NRP1: variants seen among roughly 807,000 people sequenced by gnomAD.
NRP1 encodes neuropilin-1.
In NRP1, 35 loss-of-function variants were observed where a neutral mutation model predicts 106.7. The observed-to-expected ratio is 0.33, with a 90% CI of 0.25 to 0.43. The LOEUF (loss-of-function observed/expected upper bound fraction) is 0.43, where lower values mean the gene tolerates loss of function less well. Ranked by LOEUF, NRP1 falls within the 20% of genes least tolerant of loss-of-function variation. The probability of loss-of-function intolerance (pLI) is 1.00; values close to 1 mark genes in which losing one functional copy is unlikely to be tolerated. For synonymous variants in NRP1, 437 were observed against 417.9 expected, an observed-to-expected ratio of 1.05 and a Z score of -0.56; for missense variants, 1,024 against 1,170.4, an observed-to-expected ratio of 0.87 and a Z score of 1.83.
chr10:33,186,499 A>G lies in NRP1; in HGVS notation c.2063-11T>C, dbSNP rs1210346093. On this transcript the variant is annotated splice_polypyrimidine_tract_variant and intron_variant, in intron 13 of 16. Coordinates refer to ENST00000374867, the MANE Select transcript of NRP1 (RefSeq NM_003873.7). ...TGAAGTTGCCATCTCCTGCTGTGACAAAGAACTGTGTTAGGGAGAGTGGCC... is the reference window on the plus strand; with the variant it reads ...TGAAGTTGCCATCTCCTGCTGTGACGAAGAACTGTGTTAGGGAGAGTGGCC... 1 of 1,605,066 alleles carries G rather than the reference A, an allele frequency of 6.2e-7. No individual in the cohort carries two copies. Among genetic ancestry groups the G allele is most frequent in the South Asian group, 1.1e-5 (1 of 89,516 alleles).
chr10:33,309,889 T>G (rs1846446944), intron 2 of NRP1, among the ~76,000 whole-genome samples: 1 of 152,102 alleles, frequency 6.6e-6, no homozygotes, highest in African/African-American at 2.4e-5. Flanking sequence ...CATCTCTACC[T>G]GCAATGTTTA....
At chr10:33,312,854 G>A (rs1846705322) in intron 2 of NRP1, among the ~76,000 whole-genome samples, 1 of 151,940 alleles carries the variant, frequency 6.6e-6, no homozygotes, top group South Asian at 2.1e-4. Context: ...AATGAGCTAT[G>A]TTGAATAAAA....
chr10:33,261,769 T>G (rs1842589790), intron 4 of NRP1, among the ~76,000 whole-genome samples: 1 of 152,212 alleles, frequency 6.6e-6, no homozygotes. Flanking sequence ...AGATTCTTGC[T>G]CTGTTCCCCA....
In NRP1 at chr10:33,253,094, G is replaced by A. The variant is rs1035404343; in HGVS notation, c.981+934C>T. 2.0e-5 allele frequency among the ~76,000 whole-genome samples: 3 copies of A among 150,988 alleles called. No individual in the cohort carries two copies. In the East Asian group the frequency reaches 6.0e-4, roughly 30 times the overall value. ...CAGGATCTGACTATTCTCCTGAAAA[G>A]GAAGCCTGGATCCTTCAGCAAATAA... On this transcript the variant is annotated intron_variant, in intron 6 of 16. Transcript: ENST00000374867.
intron 2 of NRP1, among the ~76,000 whole-genome samples, chr10:33,294,683 T>A (rs1364871702): frequency 2.7e-5 from 4 of 145,508 alleles, no homozygotes; most frequent in Non-Finnish European, 4.5e-5. Flanking sequence ...ACCAGAAGAG[T>A]AAGTATCTCA....
chr10:33,300,973 C>A (rs1387625124), intron 2 of NRP1, among the ~76,000 whole-genome samples: 1 of 152,192 alleles, frequency 6.6e-6, no homozygotes, highest in African/African-American at 2.4e-5. Flanking sequence ...AATAAACTTT[C>A]TAAATTAACT....
At chr10:33,200,104 C>A (rs1010063224) in intron 11 of NRP1, among the ~76,000 whole-genome samples, 3 of 152,146 alleles carry the variant, frequency 2.0e-5, no homozygotes, top group Non-Finnish European at 2.9e-5. Context: ...TCTATAATGG[C>A]AGAATTGGAG....
At chr10:33,262,434 G>T (rs1420705966) in intron 4 of NRP1, among the ~76,000 whole-genome samples, 1 of 152,082 alleles carries the variant, frequency 6.6e-6, no homozygotes, top group African/African-American at 2.4e-5. Flanking sequence ...CAGGCATGGA[G>T]GCTCATGCCT....
chr10:33,317,120 A>G (rs2132842573), intron 2 of NRP1, among the ~76,000 whole-genome samples: 1 of 152,356 alleles, frequency 6.6e-6, no homozygotes, highest in South Asian at 2.1e-4. Flanking sequence ...CAAAAAAGAA[A>G]GCCAATCCCT....
At chr10:33,283,860 A>T (rs532334540) in intron 2 of NRP1, among the ~76,000 whole-genome samples, 2 of 152,236 alleles carry the variant, frequency 1.3e-5, no homozygotes, top group Admixed American at 6.5e-5. Flanking sequence ...CCATATGACC[A>T]CACAAAGGTG....
intron 5 of NRP1, among the ~76,000 whole-genome samples, chr10:33,254,635 T>C (rs547807251): frequency 1.3e-5 from 2 of 152,354 alleles, no homozygotes; most frequent in South Asian, 2.1e-4. Flanking sequence ...CAATTCATAC[T>C]CAATGGATGG....
In NRP1 at chr10:33,213,425, G is replaced by C; in HGVS notation, c.1575C>G (p.Asp525Glu). 6.2e-7 allele frequency: 1 copy of C among 1,613,760 alleles called. No homozygotes were observed. Among genetic ancestry groups the C allele is most frequent in the Non-Finnish European group, 8.5e-7 (1 of 1,179,998 alleles). ...TGCTGTCATCCATGATCATCTTCCA[G>C]TCCGAGCCGTTGTTGCTGTACCCGA... ...FKIGYSNNGSDWKMIMDDSKR... is the reference protein window; with the variant it reads ...FKIGYSNNGSEWKMIMDDSKR... The change falls in exon 9 of 17, where the codon GAC becomes GAG. Residue 525 changes from aspartate (D) to glutamate (E), a missense_variant. Around this residue, in one of 5 missense-constraint regions of NRP1, gnomAD observed 562 missense variants for 620.3 expected, o/e 0.91. Transcript: ENST00000374867.
chr10:33,321,390 C>T (rs940518731), intron 2 of NRP1, among the ~76,000 whole-genome samples: 3 of 152,160 alleles, frequency 2.0e-5, no homozygotes, highest in African/African-American at 7.2e-5. Flanking sequence ...GGACAGACAA[C>T]TATGAACTGA....
In NRP1 at chr10:33,221,738, T is replaced by G. The variant is rs142055060; in HGVS notation, c.1263A>C (p.Val421=). The change falls in exon 8 of 17, where the codon GTA becomes GTC. Residue 421 remains valine, a synonymous_variant. Transcript: ENST00000374867. Reference sequence around the variant, plus strand: ...GCTTACCTGTTATCTTGCAACCGTATACTTCAAATCTCATAGATATGCCAG... The same window carrying G: ...GCTTACCTGTTATCTTGCAACCGTAGACTTCAAATCTCATAGATATGCCAG... ...WETGISMRFE[V]YGCKITDYPC... is the part of the protein sequence containing the mutation. 11 of 1,613,918 alleles carry G rather than the reference T, an allele frequency of 6.8e-6. No individual in the cohort carries two copies. In the Admixed American group the frequency reaches 1.2e-4, roughly 17 times the overall value.
At chr10:33,210,421 C>A (rs1433238110) in intron 9 of NRP1, among the ~76,000 whole-genome samples, 1 of 152,148 alleles carries the variant, frequency 6.6e-6, no homozygotes, top group African/African-American at 2.4e-5. Context: ...TCTATGGAAT[C>A]CCAGGCTCAT....
rs1047662981 is a variant in NRP1, at chr10:33,178,644, G to A, written c.*1432C>T. 1 of 152,030 alleles carries A rather than the reference G, an allele frequency of 6.6e-6. No homozygotes were observed. Among genetic ancestry groups the A allele is most frequent in the African/African-American group, 2.4e-5 (1 of 41,386 alleles). 9.4% of individuals were successfully genotyped at this position (152,030 alleles called of 1,614,324 possible). A position where few individuals can be genotyped will look rare whatever the true frequency, so the allele number is the denominator to read the frequency against. ...TCTCTTGGGTCATTTTTGCATATTT[G>A]GATAGAAAAATCTCATGCTTTTGGA... On this transcript the variant is annotated 3_prime_UTR_variant, in exon 17 of 17. Coordinates refer to ENST00000374867, the MANE Select transcript of NRP1 (RefSeq NM_003873.7).
intron 11 of NRP1, chr10:33,201,180 C>T (rs1217637916): frequency 3.3e-5 from 5 of 152,192 alleles, no homozygotes; most frequent in East Asian, 1.9e-4. Flanking sequence ...GTTTGTAACT[C>T]GCTGCCATAC....
chr10:33,267,566 G>T (rs988849226), intron 3 of NRP1, among the ~76,000 whole-genome samples: 11 of 152,150 alleles, frequency 7.2e-5, no homozygotes, highest in Non-Finnish European at 1.5e-4. Flanking sequence ...GACCAAGTCT[G>T]CCCTCAGTAA....
At chr10:33,255,481 G>T (rs1588857344) in intron 5 of NRP1, among the ~76,000 whole-genome samples, 1 of 152,090 alleles carries the variant, frequency 6.6e-6, no homozygotes, top group South Asian at 2.1e-4. Flanking sequence ...TTGAGACTGG[G>T]TCTCACTCTG....
Sources: allele counts gnomAD v4.1 joint callset (sites outside exome capture counted in the v4.1 genomes callset), GRCh38; gene constraint gnomAD v4.1.1; regional missense constraint gnomAD v4.1.1; transcripts MANE v1.5; gene names NCBI Gene and HGNC (gene_info 2026-07-23, HGNC 2026-07-21).